KLHL32: variants seen among roughly 807,000 people sequenced by gnomAD.
KLHL32 encodes kelch-like protein 32.
KLHL32 carries 35 observed loss-of-function variants against 64.8 expected under a neutral mutation model. That is an observed-to-expected ratio of 0.54 (90% CI 0.41 to 0.72). The LOEUF (loss-of-function observed/expected upper bound fraction) is 0.72. Among genes scored for constraint, KLHL32 ranks in the 30% least tolerant of loss-of-function variants. The pLI, the probability that KLHL32 is intolerant of heterozygous loss-of-function variation, is 0.00. For missense variants in KLHL32, 589 were observed against 768.5 expected, an observed-to-expected ratio of 0.77 and a Z score of 2.76; for synonymous variants, 259 against 281.0, an observed-to-expected ratio of 0.92 and a Z score of 0.78.
chr6:97,079,131 G>A (rs1368700064), intron 5 of KLHL32, among the ~76,000 whole-genome samples: 1 of 152,158 alleles, frequency 6.6e-6, no homozygotes, highest in Non-Finnish European at 1.5e-5. Context: ...AGTCTGGGTG[G>A]CATTATTTCA....
chr6:97,132,933 G>A (rs1030599973), intron 10 of KLHL32, among the ~76,000 whole-genome samples, 186 bp downstream of exon 10: 2 of 151,962 alleles, frequency 1.3e-5, no homozygotes, highest in Non-Finnish European at 2.9e-5. Context: ...ATAAATTATT[G>A]AGCCCTATTA....
At chr6:97,053,665 A>C (rs1421807481) in intron 4 of KLHL32, among the ~76,000 whole-genome samples, 2 of 151,944 alleles carry the variant, frequency 1.3e-5, no homozygotes, top group Non-Finnish European at 2.9e-5. Context: ...AGATTTTGTG[A>C]TTGTAATTTA....
chr6:96,989,428 ATC>A (rs1777570989), intron 3 of KLHL32, among the ~76,000 whole-genome samples: 1 of 152,116 alleles, frequency 6.6e-6, no homozygotes, highest in Non-Finnish European at 1.5e-5. Context: ...ATAGGCCCCA[ATC>A]TCTTCAGGCT....
intron 3 of KLHL32, among the ~76,000 whole-genome samples, chr6:97,013,125 G>T (rs1780633999): frequency 6.6e-6 from 1 of 152,142 alleles, no homozygotes; most frequent in Non-Finnish European, 1.5e-5. Context: ...TATAGTAAAT[G>T]CTCTTAAAAT....
At chr6:97,064,801 T>A in intron 5 of KLHL32, 75 bp downstream of exon 5, 2 of 1,185,122 alleles carry the variant, frequency 1.7e-6, no homozygotes, top group Non-Finnish European at 2.5e-6. Flanking sequence ...CCCCAACAAC[T>A]GGAGCTGAAT....
intron 3 of KLHL32, among the ~76,000 whole-genome samples, chr6:96,992,487 T>C (rs1225116206): frequency 1.3e-5 from 2 of 152,250 alleles, no homozygotes; most frequent in African/African-American, 4.8e-5. Flanking sequence ...CAATGCGCAC[T>C]AGCTGCTTCT....
intron 3 of KLHL32, among the ~76,000 whole-genome samples, chr6:96,982,469 G>C (rs576487458): frequency 6.6e-6 from 1 of 152,222 alleles, no homozygotes; most frequent in Admixed American, 6.5e-5. Flanking sequence ...GTCTCTTGAA[G>C]ACAGCACATC....
At chr6:97,004,325 T>G (rs1027063455) in intron 3 of KLHL32, among the ~76,000 whole-genome samples, 2 of 152,220 alleles carry the variant, frequency 1.3e-5, no homozygotes, top group Non-Finnish European at 2.9e-5. Context: ...ACACTGATTT[T>G]GTATTCTGAA....
At chr6:97,089,609 T>A (rs1481490740) in intron 6 of KLHL32, among the ~76,000 whole-genome samples, 3 of 152,034 alleles carry the variant, frequency 2.0e-5, no homozygotes, top group Non-Finnish European at 1.5e-5. Context: ...TGAAACCCCA[T>A]CTCCACTAAA....
chr6:97,120,376 G>A (rs1798235900), intron 7 of KLHL32, among the ~76,000 whole-genome samples: 1 of 152,132 alleles, frequency 6.6e-6, no homozygotes, highest in Non-Finnish European at 1.5e-5. Context: ...AGTGACCTTG[G>A]AATAAGCCTC....
intron 5 of KLHL32, among the ~76,000 whole-genome samples, chr6:97,073,019 C>A (rs1790997648): frequency 6.6e-6 from 1 of 152,158 alleles, no homozygotes; most frequent in Admixed American, 6.5e-5. Context: ...TGAGATAGTG[C>A]ATGCAAAGTA....
intron 3 of KLHL32, among the ~76,000 whole-genome samples, chr6:96,996,240 C>T (rs1330198535): frequency 6.6e-6 from 1 of 152,170 alleles, no homozygotes; most frequent in Non-Finnish European, 1.5e-5. Flanking sequence ...AACATAACTT[C>T]GTATATGTGT....
intron 5 of KLHL32, among the ~76,000 whole-genome samples, chr6:97,075,798 A>G (rs1053828185): frequency 6.6e-6 from 1 of 152,156 alleles, no homozygotes; most frequent in African/African-American, 2.4e-5. Flanking sequence ...ACAACTGGGT[A>G]TGGTGCCTTG....
intron 1 of KLHL32, among the ~76,000 whole-genome samples, chr6:96,943,889 A>G (rs1463870078): frequency 6.6e-6 from 1 of 152,186 alleles, no homozygotes; most frequent in African/African-American, 2.4e-5. Context: ...GGTATGATTT[A>G]TTTAGCCAGC....
At chr6:97,030,573 G>A (rs1299450997) in intron 3 of KLHL32, among the ~76,000 whole-genome samples, 1 of 152,202 alleles carries the variant, frequency 6.6e-6, no homozygotes, top group Admixed American at 6.5e-5. Flanking sequence ...CTCTCCCAAA[G>A]ACAAAATCTT....
chr6:97,138,761 A>C (rs905192383), intron 10 of KLHL32, among the ~76,000 whole-genome samples: 1 of 152,176 alleles, frequency 6.6e-6, no homozygotes, highest in African/African-American at 2.4e-5. Context: ...ACAGATGAGG[A>C]TGTTTAAGCC....
chr6:96,935,405 C>T (rs1264329350), intron 1 of KLHL32, among the ~76,000 whole-genome samples: 4 of 152,106 alleles, frequency 2.6e-5, no homozygotes, highest in Non-Finnish European at 5.9e-5. Flanking sequence ...GTTACCTTTT[C>T]CCCCCATAAA....
intron 6 of KLHL32, among the ~76,000 whole-genome samples, chr6:97,111,856 G>A (rs1251053088): frequency 6.6e-6 from 1 of 152,134 alleles, no homozygotes; most frequent in Non-Finnish European, 1.5e-5. Context: ...TTCCCCTGAA[G>A]TCTGGCCATC....
At chr6:96,926,962 C>G (rs1769239839) in intron 1 of KLHL32, among the ~76,000 whole-genome samples, 1 of 152,134 alleles carries the variant, frequency 6.6e-6, no homozygotes, top group African/African-American at 2.4e-5. Context: ...TATTCTCTAA[C>G]AAAATACTGA....
Sources: allele counts gnomAD v4.1 joint callset (sites outside exome capture counted in the v4.1 genomes callset), GRCh38; gene constraint gnomAD v4.1.1; transcripts MANE v1.5; gene names NCBI Gene and HGNC (gene_info 2026-07-23, HGNC 2026-07-21).